Variants in SUSD6 observed in about 807,000 individuals in gnomAD.
The protein encoded by SUSD6 is sushi domain-containing protein 6.
A neutral mutation model predicts 28.4 loss-of-function variants in SUSD6; 16 were observed. The observed-to-expected ratio is 0.56, with a 90% CI of 0.38 to 0.86. SUSD6 has a LOEUF of 0.86. Among genes scored for constraint, SUSD6 ranks in the 40% least tolerant of loss-of-function variants. SUSD6 has a pLI of 0.00. For missense variants in SUSD6, 341 were observed against 384.2 expected (o/e 0.89, Z 0.94); for synonymous variants, 147 against 159.6 (o/e 0.92, Z 0.59).
chr14:69,628,907 A>G (rs1455475871), intron 1 of SUSD6, among the ~76,000 whole-genome samples: 1 of 151,914 alleles, frequency 6.6e-6, no homozygotes, highest in African/African-American at 2.4e-5. Context: ...GGGTTTTGCC[A>G]TGTTACCCAG....
At chr14:69,621,333 G>A (rs1885038136) in intron 1 of SUSD6, among the ~76,000 whole-genome samples, 1 of 152,132 alleles carries the variant, frequency 6.6e-6, no homozygotes, top group Non-Finnish European at 1.5e-5. Flanking sequence ...AGGGAGGCCT[G>A]GTTTGAGTGA....
rs1328264988 is a variant in SUSD6 at position 69,713,891 on chromosome 14, C to T, written c.*2912C>T. 1.5e-5 allele frequency: 2 copies of T among 136,092 alleles called. No homozygotes were observed. The highest frequency in any genetic ancestry group is 2.8e-5 in the African/African-American group (1 of 36,084). The allele number at this position is 136,092 out of a possible 1,614,324, so 8.4% of individuals were successfully genotyped here. A position where few individuals can be genotyped will look rare whatever the true frequency, so the allele number is the denominator to read the frequency against. On this transcript the variant is annotated 3_prime_UTR_variant, in exon 6 of 6. Coordinates refer to ENST00000342745, the MANE Select transcript of SUSD6 (RefSeq NM_014734.4). ...AGCTGACTCAGTGCAGGTTTAATAT[C>T]CTGGTGACTTGCAGTCACATTCTAA... is the stretch of plus-strand genomic sequence containing the variant.
chr14:69,649,320 C>G (rs1595041604), intron 1 of SUSD6, among the ~76,000 whole-genome samples: 1 of 152,112 alleles, frequency 6.6e-6, no homozygotes, highest in Non-Finnish European at 1.5e-5. Context: ...TTTAGCAAAT[C>G]GGCTTCCCGG....
intron 2 of SUSD6, among the ~76,000 whole-genome samples, chr14:69,700,200 A>C (rs1594722674): frequency 6.6e-6 from 1 of 152,026 alleles, no homozygotes; most frequent in South Asian, 2.1e-4. Context: ...TCTTTGTTAG[A>C]AAAGAAATGA....
intron 2 of SUSD6, among the ~76,000 whole-genome samples, chr14:69,668,759 C>T (rs1885783517): frequency 6.6e-6 from 1 of 151,972 alleles, no homozygotes; most frequent in African/African-American, 2.4e-5. Context: ...GAGCAGATTC[C>T]TCATGAATGG....
Position 69,639,967 on chromosome 14 carries a change from T to TTTTG in SUSD6, c.-80-18543_-80-18542insGTTT, listed in dbSNP as rs1425999105. ...GGGGCACCTACACTGTTTTTTTTTT[T>TTTTG]TTTTTTTTTTTTGCGGGGGGAAGTG... On this transcript the variant is annotated intron_variant, in intron 1 of 5. Coordinates refer to ENST00000342745, the MANE Select transcript of SUSD6 (RefSeq NM_014734.4). Among the ~76,000 whole-genome samples the TTTTG allele has an allele frequency of 1.3e-3, 191 of 148,400 alleles. 1 individual carries two copies. Among genetic ancestry groups the TTTTG allele is most frequent in the African/African-American group, 4.6e-3 (186 of 40,102 alleles).
chr14:69,685,349 C>G (rs1475059672), intron 2 of SUSD6, among the ~76,000 whole-genome samples: 4 of 152,238 alleles, frequency 2.6e-5, no homozygotes, highest in Non-Finnish European at 5.9e-5. Context: ...TAATATTATT[C>G]CACTGCAAGG....
intron 1 of SUSD6, among the ~76,000 whole-genome samples, chr14:69,624,734 C>T (rs906828664): frequency 1.3e-5 from 2 of 152,140 alleles, no homozygotes; most frequent in African/African-American, 4.8e-5. Context: ...GAATTACAGG[C>T]GTGAGCCACC....
chr14:69,684,125 G>A (rs1886037245), intron 2 of SUSD6, among the ~76,000 whole-genome samples: 1 of 152,234 alleles, frequency 6.6e-6, no homozygotes, highest in African/African-American at 2.4e-5. Flanking sequence ...GTGGGGTCAA[G>A]CATAATGTGT....
chr14:69,649,834 CT>C (rs1885478123), intron 1 of SUSD6, among the ~76,000 whole-genome samples: 1 of 152,106 alleles, frequency 6.6e-6, no homozygotes, highest in African/African-American at 2.4e-5. Flanking sequence ...TAAGCTTGAC[CT>C]TTTATTTGGA....
At chr14:69,693,751 A>G (rs1350902589) in intron 2 of SUSD6, among the ~76,000 whole-genome samples, 1 of 152,148 alleles carries the variant, frequency 6.6e-6, no homozygotes, top group African/African-American at 2.4e-5. Context: ...GGCTCAGAGG[A>G]GTTATGACAG....
At chr14:69,704,796 G>A (rs775289918) in intron 4 of SUSD6, 54 bp downstream of exon 4, 6 of 1,586,552 alleles carry the variant, frequency 3.8e-6, no homozygotes, top group Non-Finnish European at 5.2e-6. Context: ...CATTACTGTG[G>A]GGGCCAGTCT....
rs1229297223 is a variant in SUSD6, at chr14:69,713,540, C to T, written c.*2561C>T. On this transcript the variant is annotated 3_prime_UTR_variant, in exon 6 of 6. Coordinates refer to ENST00000342745, the MANE Select transcript of SUSD6 (RefSeq NM_014734.4). ...TTTCTTAACCATCAGCCATGTGCTG[C>T]TATTTCTAGGGCTTCTGGGCTTTGT... 2 of 152,316 alleles carry T rather than the reference C, an allele frequency of 1.3e-5. No individual in the cohort carries two copies. Among genetic ancestry groups the T allele is most frequent in the Non-Finnish European group, 2.9e-5 (2 of 68,114 alleles). 9.4% of individuals were successfully genotyped at this position (152,316 alleles called of 1,614,324 possible). A position where few individuals can be genotyped will look rare whatever the true frequency, so the allele number is the denominator to read the frequency against.
intron 2 of SUSD6, among the ~76,000 whole-genome samples, chr14:69,672,297 A>G (rs1885845204): frequency 6.6e-6 from 1 of 152,202 alleles, no homozygotes; most frequent in Non-Finnish European, 1.5e-5. Context: ...GAGAAGAGAG[A>G]GGAGGGATCA....
intron 2 of SUSD6, among the ~76,000 whole-genome samples, chr14:69,699,553 T>G (rs1886283276): frequency 2.0e-5 from 3 of 151,934 alleles, no homozygotes; most frequent in Non-Finnish European, 4.4e-5. Flanking sequence ...TTTTTTTTTT[T>G]GGACCCTTTC....
chr14:69,673,176 G>C (rs974364145), intron 2 of SUSD6, among the ~76,000 whole-genome samples: 9 of 152,224 alleles, frequency 5.9e-5, no homozygotes, highest in African/African-American at 2.2e-4. Flanking sequence ...AGAACCAACA[G>C]GCTGGACCTT....
At chr14:69,612,094 G>A (rs1211040205) in intron 1 of SUSD6, among the ~76,000 whole-genome samples, 1 of 151,440 alleles carries the variant, frequency 6.6e-6, no homozygotes, top group Admixed American at 6.6e-5. Context: ...CCGGCGGCTG[G>A]TTTGCGGCCG....
intron 1 of SUSD6, among the ~76,000 whole-genome samples, chr14:69,656,598 T>C (rs539833059): frequency 4.6e-5 from 7 of 152,340 alleles, no homozygotes; most frequent in African/African-American, 1.7e-4. Context: ...GTCTTATTAA[T>C]GATTACAACA....
chr14:69,697,100 A>AT (rs1886235898), intron 2 of SUSD6, among the ~76,000 whole-genome samples: 1 of 152,156 alleles, frequency 6.6e-6, no homozygotes, highest in South Asian at 2.1e-4. Flanking sequence ...TTCAGACCAT[A>AT]TAGGGTGACT....
Sources: allele counts gnomAD v4.1 joint callset (sites outside exome capture counted in the v4.1 genomes callset), GRCh38; gene constraint gnomAD v4.1.1; transcripts MANE v1.5; gene names NCBI Gene and HGNC (gene_info 2026-07-23, HGNC 2026-07-21).